STK3: variants seen among roughly 807,000 people sequenced by gnomAD.
STK3 encodes the protein serine/threonine kinase 3.
In STK3, 41 loss-of-function variants were observed where a neutral mutation model predicts 58.0. The ratio of observed to expected loss-of-function variants is 0.71; its 90% CI spans 0.55 to 0.92. The LOEUF (loss-of-function observed/expected upper bound fraction) is 0.92. Ranked by LOEUF, STK3 falls within the 40% of genes least tolerant of loss-of-function variation. The probability of loss-of-function intolerance (pLI) is 0.00; values close to 1 mark genes in which losing one functional copy is unlikely to be tolerated. For missense variants in STK3, 479 were observed against 602.7 expected (o/e 0.79, Z 2.15); for synonymous variants, 170 against 191.0 (o/e 0.89, Z 0.91).
chr8:98,795,580 T>C (rs902959244), intron 1 of STK3, among the ~76,000 whole-genome samples: 3 of 151,946 alleles, frequency 2.0e-5, no homozygotes, highest in South Asian at 2.1e-4. Context: ...GGCATCCAAA[T>C]AGAAAAAGGA....
intron 6 of STK3, among the ~76,000 whole-genome samples, chr8:98,677,597 A>G (rs1039039687): frequency 2.0e-5 from 3 of 152,166 alleles, no homozygotes; most frequent in Admixed American, 1.3e-4. Flanking sequence ...AGATGGAGAC[A>G]GAGAAGAGGA....
chr8:98,604,656 T>C (rs1816631617), intron 6 of STK3, among the ~76,000 whole-genome samples: 1 of 152,204 alleles, frequency 6.6e-6, no homozygotes, highest in Admixed American at 6.5e-5. Flanking sequence ...GGTTCCCAAG[T>C]CTCAACTGTT....
At chr8:98,589,206 GT>G in intron 7 of STK3, among the ~76,000 whole-genome samples, 1 of 152,306 alleles carries the variant, frequency 6.6e-6, no homozygotes, top group East Asian at 1.9e-4. Flanking sequence ...TTTCTGTTCT[GT>G]TTTTTCCCCA....
At chr8:98,496,038 A>C (rs1488250281) in intron 10 of STK3, among the ~76,000 whole-genome samples, 2 of 152,158 alleles carry the variant, frequency 1.3e-5, no homozygotes, top group Non-Finnish European at 2.9e-5. Flanking sequence ...TTTCAATCAC[A>C]GTATTTATAA....
chr8:98,781,482 C>G (rs972780811), intron 1 of STK3, among the ~76,000 whole-genome samples: 2 of 152,084 alleles, frequency 1.3e-5, no homozygotes, highest in African/African-American at 4.8e-5. Context: ...AGCAAAATTC[C>G]CAGACAAGGC....
At chr8:98,477,974 C>T (rs955015096) in intron 10 of STK3, among the ~76,000 whole-genome samples, 5 of 152,042 alleles carry the variant, frequency 3.3e-5, no homozygotes, top group African/African-American at 1.2e-4. Flanking sequence ...GGTTGAGAAC[C>T]AGCAGTCTAC....
chr8:98,463,649 C>G (rs1820191664), intron 10 of STK3, among the ~76,000 whole-genome samples: 2 of 152,058 alleles, frequency 1.3e-5, no homozygotes, highest in South Asian at 4.2e-4. Context: ...ATCTAGTCTA[C>G]TATAAAAACC....
intron 6 of STK3, chr8:98,633,604 A>G: frequency 1.3e-6 from 1 of 744,810 alleles, no homozygotes; most frequent in East Asian, 2.5e-5. Flanking sequence ...GTCTCAGTCC[A>G]TTTGCGGAGG....
the STK3 span, among the ~76,000 whole-genome samples, chr8:98,357,039 G>T: frequency 6.6e-6 from 1 of 152,192 alleles, no homozygotes; most frequent in African/African-American, 2.4e-5. Flanking sequence ...ATTTTCAAGT[G>T]CACGTAGCCT....
chr8:98,407,467 G>T (rs1208636292), intron 3 of STK3, among the ~76,000 whole-genome samples: 1 of 152,242 alleles, frequency 6.6e-6, no homozygotes, highest in African/African-American at 2.4e-5. Context: ...AACGCCATGC[G>T]TAAGTCAGCA....
chr8:98,912,096 G>A (rs919889746), intron 1 of STK3, among the ~76,000 whole-genome samples: 5 of 152,138 alleles, frequency 3.3e-5, no homozygotes, highest in African/African-American at 1.2e-4. Flanking sequence ...ACTTTATCTT[G>A]GGCCGGGCAC....
At chr8:98,900,645 T>C (rs984224847) in intron 1 of STK3, among the ~76,000 whole-genome samples, 3 of 151,896 alleles carry the variant, frequency 2.0e-5, no homozygotes, top group Admixed American at 6.6e-5. Context: ...AAGATTGTTA[T>C]AGTTTTATAT....
rs373561607 is a variant in STK3 at position 98,602,542 on chromosome 8, A to T, written c.685-6373T>A. ...CTAAGGTATTTTGTTATAGCAACCC[A>T]AACAGACTATACAATCACTTAAGTT... is the stretch of plus-strand genomic sequence containing the variant. On this transcript the variant is annotated intron_variant, in intron 6 of 10. Coordinates refer to ENST00000419617, the MANE Select transcript of STK3 (RefSeq NM_006281.4). Among the ~76,000 whole-genome samples the T allele has an allele frequency of 6.6e-5, 10 of 152,228 alleles. No homozygotes were observed. In the East Asian group the frequency reaches 1.9e-3, roughly 29 times the overall value.
intron 6 of STK3, among the ~76,000 whole-genome samples, chr8:98,692,777 A>T (rs1451156809): frequency 6.6e-6 from 1 of 151,928 alleles, no homozygotes; most frequent in African/African-American, 2.4e-5. Context: ...ATGTAATTAT[A>T]CTTATACTAT....
chr8:98,409,881 C>T (rs894044990), intron 3 of STK3, among the ~76,000 whole-genome samples: 8 of 152,244 alleles, frequency 5.3e-5, no homozygotes, highest in Admixed American at 2.6e-4. Flanking sequence ...CAAATACCCT[C>T]GTTGGTCCCT....
intron 6 of STK3, among the ~76,000 whole-genome samples, chr8:98,678,432 T>G (rs907842846): frequency 2.6e-5 from 4 of 152,082 alleles, no homozygotes; most frequent in African/African-American, 9.6e-5. Flanking sequence ...TATGAAAAAT[T>G]AAAACCATGG....
At chr8:98,701,058 A>G (rs1825560864) in intron 6 of STK3, among the ~76,000 whole-genome samples, 1 of 151,950 alleles carries the variant, frequency 6.6e-6, no homozygotes, top group Non-Finnish European at 1.5e-5. Context: ...AGTTCCAGGT[A>G]TTCGAGAGGC....
At chr8:98,478,294 T>A (rs1031643951) in intron 10 of STK3, among the ~76,000 whole-genome samples, 4 of 152,116 alleles carry the variant, frequency 2.6e-5, no homozygotes, top group Non-Finnish European at 4.4e-5. Context: ...CGCTGGTTTA[T>A]AAAGGCCATC....
chr8:98,410,923 G>A (rs1349074570), intron 3 of STK3, among the ~76,000 whole-genome samples: 1 of 152,166 alleles, frequency 6.6e-6, no homozygotes, highest in Non-Finnish European at 1.5e-5. Flanking sequence ...CTAAGACTGG[G>A]AATATAATTT....
Sources: allele counts gnomAD v4.1 joint callset (sites outside exome capture counted in the v4.1 genomes callset), GRCh38; gene constraint gnomAD v4.1.1; transcripts MANE v1.5; gene names NCBI Gene and HGNC (gene_info 2026-07-23, HGNC 2026-07-21).